The following TULP4 variants were observed in gnomAD, a reference collection of about 807,000 sequenced individuals.
TULP4 encodes TUB like protein 4, also known as tubby-related protein 4.
In TULP4, 16 loss-of-function variants were observed where a neutral mutation model predicts 129.0. That is an observed-to-expected ratio of 0.12 (90% CI 0.08 to 0.19). TULP4 has a LOEUF of 0.19. Among genes scored for constraint, TULP4 ranks in the 10% least tolerant of loss-of-function variants. TULP4 has a pLI of 1.00. For synonymous variants in TULP4, 998 were observed against 854.0 expected, an observed-to-expected ratio of 1.17 and a Z score of -2.94; for missense variants, 1,842 against 2,059.1, an observed-to-expected ratio of 0.89 and a Z score of 2.04.
At chr6:158,255,560 C>T (rs1412826267) in intron 1 of TULP4, among the ~76,000 whole-genome samples, 1 of 152,090 alleles carries the variant, frequency 6.6e-6, no homozygotes, top group South Asian at 2.1e-4. Context: ...AGAATGGTGG[C>T]CTTTTCTTCC....
intron 1 of TULP4, among the ~76,000 whole-genome samples, chr6:158,236,790 C>CTTTTTTTTTTTTTTTT (rs1562489169): frequency 3.0e-5 from 1 of 33,116 alleles, no homozygotes; most frequent in Non-Finnish European, 6.2e-5. Context: ...ATGCCCAATT[C>CTTTTTTTTTTTTTTTT]TTTTCTTTTT....
In TULP4 at chr6:158,380,206, G is replaced by A. The variant is rs575357589; in HGVS notation, c.253-32859G>A. ...TTTTAATATTTTATACATTAAAACT[G>A]TGATCAGTTGAGATTTCAGTATACT... On this transcript the variant is annotated intron_variant, in intron 1 of 13. Coordinates refer to ENST00000367097, the MANE Select transcript of TULP4 (RefSeq NM_020245.5). Among the ~76,000 whole-genome samples, 3 of 152,302 alleles carry A rather than the reference G, an allele frequency of 2.0e-5. No homozygotes were observed. In the East Asian group the frequency reaches 5.8e-4, roughly 29 times the overall value.
At chr6:158,494,094 A>G (rs1400745606) in intron 10 of TULP4, among the ~76,000 whole-genome samples, 5 of 150,598 alleles carry the variant, frequency 3.3e-5, no homozygotes, top group Non-Finnish European at 7.4e-5. Context: ...TCACCACCCC[A>G]CCTCCTCCTC....
intron 1 of TULP4, among the ~76,000 whole-genome samples, chr6:158,364,701 G>T (rs1347548590): frequency 6.6e-6 from 1 of 151,942 alleles, no homozygotes; most frequent in Non-Finnish European, 1.5e-5. Flanking sequence ...TTAATGTTTT[G>T]CAGCCTCACA....
At chr6:158,479,699 C>G in intron 6 of TULP4, 52 bp from the exon 7 acceptor site, 1 of 1,559,028 alleles carries the variant, frequency 6.4e-7, no homozygotes. Context: ...TCCCTTTTTG[C>G]TTCCCACAAG....
chr6:158,237,023 C>A (rs1777724855), intron 1 of TULP4, among the ~76,000 whole-genome samples: 3 of 151,696 alleles, frequency 2.0e-5, no homozygotes, highest in East Asian at 1.9e-4. Context: ...GTTGGCCAGG[C>A]TGGTCTCAAA....
intron 1 of TULP4, among the ~76,000 whole-genome samples, chr6:158,404,016 T>C (rs2114987034): frequency 6.6e-6 from 1 of 152,334 alleles, no homozygotes; most frequent in East Asian, 1.9e-4. Context: ...TTGCATCATA[T>C]GGTAGTTGGG....
At chr6:158,430,275 C>G (rs182044291) in intron 3 of TULP4, among the ~76,000 whole-genome samples, 1 of 151,916 alleles carries the variant, frequency 6.6e-6, no homozygotes, top group African/African-American at 2.4e-5. Context: ...AACAAAGAAG[C>G]CCATCCACAT....
At chr6:158,274,592 C>T (rs1439766630) in intron 1 of TULP4, among the ~76,000 whole-genome samples, 5 of 152,016 alleles carry the variant, frequency 3.3e-5, no homozygotes, top group Admixed American at 6.5e-5. Context: ...CTGGCTAACA[C>T]GTTGAAACCC....
chr6:158,415,980 C>T (rs183530341), intron 2 of TULP4, among the ~76,000 whole-genome samples: 65 of 152,314 alleles, frequency 4.3e-4, no homozygotes, highest in Non-Finnish European at 6.3e-4. Context: ...ACAGTGCAGC[C>T]TTGAGTCTGT....
intron 6 of TULP4, among the ~76,000 whole-genome samples, chr6:158,470,035 T>A (rs577610270): frequency 6.6e-6 from 1 of 152,196 alleles, no homozygotes; most frequent in Non-Finnish European, 1.5e-5. Context: ...GTTATAGCTC[T>A]ATTAGAAGTC....
chr6:158,261,084 G>A (rs370507147), intron 1 of TULP4, among the ~76,000 whole-genome samples: 2 of 152,032 alleles, frequency 1.3e-5, no homozygotes, highest in African/African-American at 2.4e-5. Flanking sequence ...ATCCCAGAGC[G>A]CTGGGAGTAT....
chr6:158,370,142 G>A (rs941054393), intron 1 of TULP4, among the ~76,000 whole-genome samples: 1 of 152,158 alleles, frequency 6.6e-6, no homozygotes, highest in Non-Finnish European at 1.5e-5. Context: ...AGCCCTGGAG[G>A]TCGAGGCTGC....
At chr6:158,388,485 A>G (rs1032631410) in intron 1 of TULP4, among the ~76,000 whole-genome samples, 5 of 151,136 alleles carry the variant, frequency 3.3e-5, no homozygotes, top group African/African-American at 1.2e-4. Context: ...GCCCATCACA[A>G]CGCCCGGCTA....
chr6:158,409,126 C>T (rs1283513499), intron 1 of TULP4, among the ~76,000 whole-genome samples: 1 of 152,166 alleles, frequency 6.6e-6, no homozygotes, highest in Non-Finnish European at 1.5e-5. Context: ...GCTTGTTTTG[C>T]CTTCCCTAAA....
intron 9 of TULP4, among the ~76,000 whole-genome samples, chr6:158,490,754 A>G (rs775762282): frequency 6.7e-6 from 1 of 150,218 alleles, no homozygotes; most frequent in Non-Finnish European, 1.5e-5. Context: ...ACTTCATATG[A>G]TATGTCAAAC....
intron 1 of TULP4, among the ~76,000 whole-genome samples, chr6:158,348,653 CA>C (rs1780378931): frequency 1.3e-5 from 2 of 151,960 alleles, no homozygotes; most frequent in Admixed American, 1.3e-4. Flanking sequence ...ACAAAACTGC[CA>C]TTGTCATCAT....
intron 6 of TULP4, among the ~76,000 whole-genome samples, chr6:158,476,772 C>T (rs761389889): frequency 6.6e-6 from 1 of 152,146 alleles, no homozygotes; most frequent in East Asian, 1.9e-4. Flanking sequence ...CTGGGGCTCA[C>T]GATTTTGTAT....
At chr6:158,392,188 C>A (rs1777598842) in intron 1 of TULP4, among the ~76,000 whole-genome samples, 1 of 152,102 alleles carries the variant, frequency 6.6e-6, no homozygotes, top group Admixed American at 6.6e-5. Flanking sequence ...AGAGAGAGAG[C>A]TTGTGCAGGG....
Sources: allele counts gnomAD v4.1 joint callset (sites outside exome capture counted in the v4.1 genomes callset), GRCh38; gene constraint gnomAD v4.1.1; transcripts MANE v1.5; gene names NCBI Gene and HGNC (gene_info 2026-07-23, HGNC 2026-07-21).